Variants in TMED10 observed in about 807,000 individuals in gnomAD.
TMED10 encodes the protein transmembrane emp24 domain-containing protein 10.
A neutral mutation model predicts 23.1 loss-of-function variants in TMED10; 7 were observed. The observed-to-expected ratio is 0.30, with a 90% CI of 0.17 to 0.57. The LOEUF is 0.57. Among genes scored for constraint, TMED10 ranks in the 20% least tolerant of loss-of-function variants. TMED10 has a pLI of 0.91. For synonymous variants in TMED10, 113 were observed against 106.9 expected, an observed-to-expected ratio of 1.06 and a Z score of -0.35; for missense variants, 162 against 274.8, an observed-to-expected ratio of 0.59 and a Z score of 2.90.
chr14:75,173,180 G>A (rs1343470196), intron 1 of TMED10, among the ~76,000 whole-genome samples: 1 of 152,206 alleles, frequency 6.6e-6, no homozygotes, highest in East Asian at 1.9e-4. Flanking sequence ...GAGCCCAGGA[G>A]TTCGAGACCA....
At position 75,143,517 on chromosome 14, in the gene TMED10, C is replaced by G. The variant is rs1055863840; in HGVS notation, c.411+4147G>C. 4.6e-5 allele frequency among the ~76,000 whole-genome samples: 7 copies of G among 152,186 alleles called. No individual in the cohort carries two copies. The South Asian group carries it at 6.2e-4, about 13-fold the overall frequency. On this transcript the variant is annotated intron_variant, in intron 3 of 4. Transcript: ENST00000303575. ...GGAGCATCAAGATCCAAGAGAGAAG[C>G]TTCTTGTGACAAGACAAATTCAGTC...
chr14:75,158,460 TG>T (rs1168971299), intron 1 of TMED10, among the ~76,000 whole-genome samples: 1 of 152,158 alleles, frequency 6.6e-6, no homozygotes, highest in African/African-American at 2.4e-5. Flanking sequence ...TCCGCGTAGC[TG>T]GGACTACAGG....
Position 75,147,729 on chromosome 14 carries a change from G to T in TMED10, c.346C>A (p.Arg116=). 6.2e-7 allele frequency: 1 copy of T among 1,614,002 alleles called. No individual in the cohort carries two copies. The highest frequency in any genetic ancestry group is 8.5e-7 in the Non-Finnish European group (1 of 1,180,004). ...EVCFESKGTG[R]IPDQLVILDM... ...AGGATCACGAGTTGGTCAGGTATCC[G>T]CCCTGTTCCTGAGAAAGAAATCAAA... The change falls in exon 3 of 5, where the codon CGG becomes AGG. Residue 116 remains arginine (R), a synonymous_variant. Transcript: ENST00000303575.
chr14:75,134,827 G>A lies in TMED10; in HGVS notation c.*58C>T, dbSNP rs1224177800. 13 of 1,607,364 alleles carry A rather than the reference G, an allele frequency of 8.1e-6. No individual in the cohort carries two copies. Among genetic ancestry groups the A allele is most frequent in the East Asian group, 4.5e-5 (2 of 44,652 alleles). ...TGGTAGGATGCCTTAGGCCAGGCAC[G>A]TCCCAGCGATGTTCTGCTGGCTGAG... On this transcript the variant is annotated 3_prime_UTR_variant, in exon 5 of 5. Coordinates refer to ENST00000303575, the MANE Select transcript of TMED10 (RefSeq NM_006827.6).
chr14:75,169,929 A>G (rs939153192), intron 1 of TMED10, among the ~76,000 whole-genome samples: 1 of 151,992 alleles, frequency 6.6e-6, no homozygotes, highest in Non-Finnish European at 1.5e-5. Flanking sequence ...TCGTCAAAAT[A>G]TAAGAAAAAG....
In TMED10 at chr14:75,131,501, A is replaced by T. The variant is rs1895684342; in HGVS notation, c.*3384T>A. ...TGCTAGCCTTTATTTGAGAAAATTTACACAAAAATCCCCAATCCAACATTT... is the reference window on the plus strand; with the variant it reads ...TGCTAGCCTTTATTTGAGAAAATTTTCACAAAAATCCCCAATCCAACATTT... On this transcript the variant is annotated 3_prime_UTR_variant, in exon 5 of 5. Coordinates refer to ENST00000303575, the MANE Select transcript of TMED10 (RefSeq NM_006827.6). 1 of 152,638 alleles carries T rather than the reference A, an allele frequency of 6.6e-6. No individual in the cohort carries two copies. The highest frequency in any genetic ancestry group is 2.4e-5 in the African/African-American group (1 of 41,464). The allele number at this position is 152,638 out of a possible 1,614,324, so 9.5% of individuals were successfully genotyped here. A position where few individuals can be genotyped will look rare whatever the true frequency, so the allele number is the denominator to read the frequency against.
At chr14:75,139,186 T>G (rs904065286) in intron 3 of TMED10, 10 of 449,384 alleles carry the variant, frequency 2.2e-5, no homozygotes, top group Non-Finnish European at 4.5e-5. Context: ...TGTATGTAAA[T>G]GTACACAGAA....
chr14:75,136,922 C>G (rs960418493), intron 3 of TMED10: 1 of 152,072 alleles, frequency 6.6e-6, no homozygotes, highest in Non-Finnish European at 1.5e-5. Flanking sequence ...AGGCATCTGT[C>G]ACACCAGCAA....
Position 75,137,567 on chromosome 14 carries a change from C to T in TMED10, c.412-1681G>A, listed in dbSNP as rs551247674. Among the ~76,000 whole-genome samples, 389 of 149,410 alleles carry T rather than the reference C, an allele frequency of 2.6e-3. 1 individual carries two copies. The highest frequency in any genetic ancestry group is 4.8e-3 in the Non-Finnish European group (323 of 67,286). On this transcript the variant is annotated intron_variant, in intron 3 of 4. Transcript: ENST00000303575. The stretch of plus-strand genomic sequence containing the variant: ...GCGGGCGCCTGTAGTCCCAGCTACT[C>T]GGGAGGCTGCGGCAGGAGAATGGCG...
intron 1 of TMED10, among the ~76,000 whole-genome samples, chr14:75,168,575 A>G (rs1199750555): frequency 7.9e-4 from 120 of 152,324 alleles, no homozygotes; most frequent in Non-Finnish European, 1.3e-4. Context: ...AGTCCTTCTA[A>G]CAAGTTTATG....
chr14:75,170,683 A>T (rs529205266), intron 1 of TMED10, among the ~76,000 whole-genome samples: 14 of 152,362 alleles, frequency 9.2e-5, no homozygotes, highest in African/African-American at 3.4e-4. Flanking sequence ...CAACACTGAA[A>T]ATGACAAGGG....
intron 1 of TMED10, among the ~76,000 whole-genome samples, chr14:75,154,849 G>T (rs1283063450): frequency 6.6e-6 from 1 of 151,360 alleles, no homozygotes; most frequent in African/African-American, 2.4e-5. Flanking sequence ...ATTTTTGGTA[G>T]AGACGGGGTT....
intron 1 of TMED10, among the ~76,000 whole-genome samples, chr14:75,166,939 CTTTTTTTTTTT>C (rs35308116): frequency 8.7e-6 from 1 of 114,558 alleles, no homozygotes; most frequent in African/African-American, 3.4e-5. Context: ...CATCCTATTC[CTTTTTTTTTTT>C]TTTTTTTTTG....
chr14:75,168,762 C>T (rs1415487594), intron 1 of TMED10, among the ~76,000 whole-genome samples: 1 of 152,150 alleles, frequency 6.6e-6, no homozygotes, highest in African/African-American at 2.4e-5. Context: ...AGATGTTTAA[C>T]TCAGTTATAC....
chr14:75,139,587 G>C (rs1402088973), intron 3 of TMED10, among the ~76,000 whole-genome samples: 4 of 143,702 alleles, frequency 2.8e-5, no homozygotes, highest in Non-Finnish European at 4.5e-5. Context: ...AGTGAGCCAA[G>C]ATCATGCCAC....
At chr14:75,174,056 C>T (rs1896269650) in intron 1 of TMED10, among the ~76,000 whole-genome samples, 1 of 152,144 alleles carries the variant, frequency 6.6e-6, no homozygotes, top group African/African-American at 2.4e-5. Context: ...GAGGTGCCTT[C>T]AGCAGCCCTA....
chr14:75,151,985 G>T, intron 2 of TMED10, 47 bp downstream of exon 2: 3 of 1,485,564 alleles, frequency 2.0e-6, no homozygotes, highest in Non-Finnish European at 2.8e-6. Flanking sequence ...AGGAGCATTA[G>T]AGTTGGAGAA....
chr14:75,165,713 G>A (rs1288490688), intron 1 of TMED10, among the ~76,000 whole-genome samples: 1 of 152,168 alleles, frequency 6.6e-6, no homozygotes, highest in Non-Finnish European at 1.5e-5. Flanking sequence ...CCAGAACAAA[G>A]TCAAACTTAG....
chr14:75,140,881 A>C (rs890235003), intron 3 of TMED10, among the ~76,000 whole-genome samples: 1 of 152,196 alleles, frequency 6.6e-6, no homozygotes, highest in Admixed American at 6.5e-5. Context: ...CCCCATCTCT[A>C]TTACAAAGTA....
Sources: allele counts gnomAD v4.1 joint callset (sites outside exome capture counted in the v4.1 genomes callset), GRCh38; gene constraint gnomAD v4.1.1; transcripts MANE v1.5; gene names NCBI Gene and HGNC (gene_info 2026-07-23, HGNC 2026-07-21).